The following SESN3 variants were observed in gnomAD, a reference collection of about 807,000 sequenced individuals.
The protein encoded by SESN3 is sestrin 3, also known as sestrin-3.
A neutral mutation model predicts 55.3 loss-of-function variants in SESN3; 21 were observed. The observed-to-expected ratio is 0.38, with a 90% CI of 0.27 to 0.55. SESN3 has a LOEUF of 0.55. Among genes scored for constraint, SESN3 ranks in the 20% least tolerant of loss-of-function variants. SESN3 has a pLI of 0.76. For missense variants in SESN3, 408 were observed against 604.3 expected, an observed-to-expected ratio of 0.68 and a Z score of 3.41; for synonymous variants, 181 against 203.1, an observed-to-expected ratio of 0.89 and a Z score of 0.93.
intron 1 of SESN3, among the ~76,000 whole-genome samples, chr11:95,196,739 T>C (rs1319985725): frequency 6.6e-6 from 1 of 152,216 alleles, no homozygotes; most frequent in African/African-American, 2.4e-5. Context: ...CCACGTGTAC[T>C]CTACAGGACA....
chr11:95,184,868 A>G (rs1591051517), intron 5 of SESN3, among the ~76,000 whole-genome samples: 1 of 152,004 alleles, frequency 6.6e-6, no homozygotes, highest in African/African-American at 2.4e-5. Context: ...ATTAAATATT[A>G]TAGTTTAGTT....
At chr11:95,224,469 A>G (rs1326145718) in intron 1 of SESN3, 2 of 440,878 alleles carry the variant, frequency 4.5e-6, no homozygotes, top group Non-Finnish European at 9.0e-6. Context: ...ATTATGCTCT[A>G]ATTGGCTGCT....
rs77763759 is a variant in SESN3 at position 95,224,467 on chromosome 11, C to G, written c.78+6316G>C. 4.6e-3 allele frequency: 2,034 copies of G among 441,080 alleles called. 27 individuals carry two copies. The highest frequency in any genetic ancestry group is 0.039 in the African/African-American group (1,904 of 49,408). The allele number at this position is 441,080 out of a possible 1,614,324, so 27.3% of individuals were successfully genotyped here. On this transcript the variant is annotated intron_variant, in intron 1 of 9. Transcript: ENST00000536441. ...CAAAGATTACCTTGTCCATTATGCTCTAATTGGCTGCTCTTGGCTGAAAAG... is the reference window on the plus strand; with the variant it reads ...CAAAGATTACCTTGTCCATTATGCTGTAATTGGCTGCTCTTGGCTGAAAAG...
intron 2 of SESN3, among the ~76,000 whole-genome samples, chr11:95,193,139 G>A (rs1045066659): frequency 1.3e-5 from 2 of 151,916 alleles, no homozygotes; most frequent in Non-Finnish European, 1.5e-5. Context: ...CTGAGCTCCC[G>A]AAATGTTACT....
At position 95,184,590 on chromosome 11, in the gene SESN3, A is replaced by G. The variant is rs752690033; in HGVS notation, c.767T>C (p.Val256Ala). ...GGCCTCTAGCTCACTTAGAGAATCC[A>G]CAATCTGGAAACAGATAAGATAATG... ...ASLSGSNFGI[V>A]DSLSELEALM... The change falls in exon 6 of 10, where the codon GTG (valine) becomes GCG (alanine). Residue 256 changes from valine to alanine, a missense_variant. Val to Ala is a moderately conservative substitution (Grantham distance 64). Around this residue, in one of 4 missense-constraint regions of SESN3, gnomAD observed 119 missense variants for 139.9 expected, o/e 0.85. Coordinates refer to ENST00000536441, the MANE Select transcript of SESN3 (RefSeq NM_144665.4). The G allele has an allele frequency of 1.6e-5, 26 of 1,611,714 alleles. No individual in the cohort carries two copies. The highest frequency in any genetic ancestry group is 1.5e-5 in the Non-Finnish European group (18 of 1,179,142).
Position 95,169,266 on chromosome 11 carries a change from G to A in SESN3, c.*3989C>T, listed in dbSNP as rs1187344858. On this transcript the variant is annotated 3_prime_UTR_variant, in exon 10 of 10. Transcript: ENST00000536441. ...TAATTTGATTCTCAGTCTCCAGAGGGATATAATAGGGAAACACAGTTTACG... is the reference window on the plus strand; with the variant it reads ...TAATTTGATTCTCAGTCTCCAGAGGAATATAATAGGGAAACACAGTTTACG... The A allele has an allele frequency of 6.6e-6, 1 of 152,138 alleles. No homozygotes were observed. 9.4% of individuals were successfully genotyped at this position (152,138 alleles called of 1,614,324 possible). A position where few individuals can be genotyped will look rare whatever the true frequency, so the allele number is the denominator to read the frequency against.
In SESN3 at chr11:95,196,007, G is replaced by A. The variant is rs754734899; in HGVS notation, c.79-2485C>T. On this transcript the variant is annotated intron_variant, in intron 1 of 9. Transcript: ENST00000536441. ...TGTTTTTAATAGTGTTGAGGGTGAT[G>A]TAGACCCTGGGCCTGAGAGGGAAAA... Among the ~76,000 whole-genome samples, 101 of 152,180 alleles carry A rather than the reference G, an allele frequency of 6.6e-4. 1 individual carries two copies. The highest frequency in any genetic ancestry group is 7.3e-5 in the Non-Finnish European group (5 of 68,036).
At chr11:95,190,893 C>T (rs12364775) in intron 3 of SESN3, among the ~76,000 whole-genome samples, 3,145 of 152,076 alleles carry the variant, frequency 0.021, 50 homozygotes, top group Non-Finnish European at 0.034. Flanking sequence ...CCTCTATTGC[C>T]TGTGAATAAC....
chr11:95,173,120 A>AAC lies in SESN3; in HGVS notation c.*134_*135insGT, dbSNP rs1555117557. ...TTGCACATTACAGCCGCAAAAAACAAAAAAAAAAAAACAAACGGCTAAACT... is the reference window on the plus strand; with the variant it reads ...TTGCACATTACAGCCGCAAAAAACAAACAAAAAAAAAAACAAACGGCTAAACT... On this transcript the variant is annotated 3_prime_UTR_variant, in exon 10 of 10. Coordinates refer to ENST00000536441, the MANE Select transcript of SESN3 (RefSeq NM_144665.4). 1.5e-4 allele frequency: 70 copies of AAC among 474,000 alleles called. No individual in the cohort carries two copies. Among genetic ancestry groups the AAC allele is most frequent in the South Asian group, 2.2e-4 (5 of 22,328 alleles). The allele number at this position is 474,000 out of a possible 1,614,324, so 29.4% of individuals were successfully genotyped here.
chr11:95,219,755 A>ATT (rs1204092947), intron 1 of SESN3, among the ~76,000 whole-genome samples: 25 of 110,268 alleles, frequency 2.3e-4, no homozygotes, highest in South Asian at 6.1e-4. Flanking sequence ...ATATTGAAAA[A>ATT]TATTTTTTTT....
chr11:95,214,151 A>C (rs562330407), intron 1 of SESN3, among the ~76,000 whole-genome samples: 4 of 152,272 alleles, frequency 2.6e-5, no homozygotes, highest in East Asian at 1.9e-4. Flanking sequence ...TTCCTCACAG[A>C]AGGATAGAAA....
intron 9 of SESN3, 121 bp from the exon 10 acceptor site, chr11:95,173,462 C>T: frequency 4.1e-6 from 2 of 484,114 alleles, no homozygotes; most frequent in Non-Finnish European, 3.8e-6. Flanking sequence ...CACACCTAGG[C>T]ATATTTATCC....
At chr11:95,196,307 A>G (rs1016280460) in intron 1 of SESN3, among the ~76,000 whole-genome samples, 5 of 152,172 alleles carry the variant, frequency 3.3e-5, no homozygotes, top group Admixed American at 2.6e-4. Flanking sequence ...GTGAAATACA[A>G]TTTTAAAAAT....
In SESN3 at chr11:95,191,440, G is replaced by A. The variant is rs1438928234; in HGVS notation, c.306C>T (p.Pro102=). Residue 102 remains proline, a synonymous_variant, in exon 3 of 10, where the codon CCC becomes CCT. Transcript: ENST00000536441. The stretch of plus-strand genomic sequence containing the variant: ...TATAGTGCCTGTATGGTAGAGGAAG[G>A]GGACCATCCATGCGCAACATGTAAA... ...SQFYMLRMDG[P]LPLPYRHYIA... The A allele has an allele frequency of 6.2e-7, 1 of 1,612,894 alleles. No homozygotes were observed. The highest frequency in any genetic ancestry group is 1.1e-5 in the South Asian group (1 of 91,066).
In SESN3 at chr11:95,196,487, C is replaced by T. The variant is rs374813260; in HGVS notation, c.79-2965G>A. Among the ~76,000 whole-genome samples the T allele has an allele frequency of 1.1e-4, 17 of 151,564 alleles. No individual in the cohort carries two copies. The East Asian group carries it at 2.1e-3, about 19-fold the overall frequency. On this transcript the variant is annotated intron_variant, in intron 1 of 9. Coordinates refer to ENST00000536441, the MANE Select transcript of SESN3 (RefSeq NM_144665.4). Reference sequence around the variant, plus strand: ...TTTTTTTTTAAGATAAGACCATAAGCTAGAGTTCTGGTCAAATTATAATGC... The same window carrying T: ...TTTTTTTTTAAGATAAGACCATAAGTTAGAGTTCTGGTCAAATTATAATGC...
At chr11:95,188,674 G>C (rs1860210884) in intron 4 of SESN3, among the ~76,000 whole-genome samples, 1 of 151,722 alleles carries the variant, frequency 6.6e-6, no homozygotes, top group Non-Finnish European at 1.5e-5. Flanking sequence ...TCAAGACCTA[G>C]CTCAAATGTT....
rs750674165 is a variant in SESN3 at position 95,185,265 on chromosome 11, G to T, written c.753C>A (p.Ser251Arg). Residue 251 changes from serine to arginine, a missense_variant, in exon 5 of 10, where the codon AGC (serine) becomes AGA (arginine). Ser to Arg is a moderately radical substitution (Grantham distance 110). This residue lies in a region of SESN3 where 119 missense variants were observed against 139.9 expected (regional missense o/e 0.85). Transcript: ENST00000536441. ...NNIENASLSG[S>R]NFGIVDSLSE... ...AGCTAAGAAAACTAACCCCAAAGTTGCTGCCTGAAAGAGATGCATTCTCTA... is the reference window on the plus strand; with the variant it reads ...AGCTAAGAAAACTAACCCCAAAGTTTCTGCCTGAAAGAGATGCATTCTCTA... 3 of 1,596,836 alleles carry T rather than the reference G, an allele frequency of 1.9e-6. No individual in the cohort carries two copies. The highest frequency in any genetic ancestry group is 8.6e-7 in the Non-Finnish European group (1 of 1,166,208).
At position 95,167,186 on chromosome 11, in the gene SESN3, T is replaced by A. The variant is rs1184494446; in HGVS notation, c.*6069A>T. 1 of 152,172 alleles carries A rather than the reference T, an allele frequency of 6.6e-6. No homozygotes were observed. The highest frequency in any genetic ancestry group is 1.5e-5 in the Non-Finnish European group (1 of 68,024). The allele number at this position is 152,172 out of a possible 1,614,324, so 9.4% of individuals were successfully genotyped here. ...AACTAATCAGGATTTGTGAACAATA[T>A]TTTAACACTATAGGCCAGAGAGATT... On this transcript the variant is annotated 3_prime_UTR_variant, in exon 10 of 10. Transcript: ENST00000536441.
At chr11:95,204,747 G>C (rs1164928527) in intron 1 of SESN3, 1 of 152,162 alleles carries the variant, frequency 6.6e-6, no homozygotes, top group East Asian at 1.9e-4. Context: ...TCAGCTTGCG[G>C]AACTGTGAGA....
Sources: gnomAD v4.1 joint callset for allele counts (sites outside exome capture counted in the v4.1 genomes callset) on GRCh38, gnomAD v4.1.1 for gene constraint, gnomAD v4.1.1 regional missense constraint, MANE v1.5 for transcripts, NCBI Gene and HGNC (gene_info 2026-07-23, HGNC 2026-07-21) for gene names.